The following XPR1 variants were observed in gnomAD, a reference collection of about 807,000 sequenced individuals.
XPR1 encodes the protein xenotropic and polytropic retrovirus receptor 1.
Under a neutral mutation model 87.5 loss-of-function variants are expected in XPR1, and 28 were observed. The ratio of observed to expected loss-of-function variants is 0.32; its 90% CI spans 0.24 to 0.44. The LOEUF is 0.44. Ranked by LOEUF, XPR1 falls within the 20% of genes least tolerant of loss-of-function variation. The probability of loss-of-function intolerance (pLI) is 1.00; values close to 1 mark genes in which losing one functional copy is unlikely to be tolerated. For synonymous variants in XPR1, 300 were observed against 306.1 expected (o/e 0.98, Z 0.21); for missense variants, 559 against 862.3 (o/e 0.65, Z 4.41).
intron 11 of XPR1, among the ~76,000 whole-genome samples, chr1:180,854,412 A>G (rs1182734566): frequency 7.2e-5 from 11 of 152,226 alleles, no homozygotes. Context: ...GTAAACATAT[A>G]TGTTACATAT....
Position 180,632,023 on chromosome 1 carries a change from T to G in XPR1, c.-179T>G. ...CAGAGGGCGGGGAGGGGCGGGGCTA[T>G]GGAGAGGAGGAGGAAGATGGCGGGC... is the stretch of plus-strand genomic sequence containing the variant. On this transcript the variant is annotated 5_prime_UTR_variant, in exon 1 of 15. It removes an upstream start codon present in the reference 5' UTR. Coordinates refer to ENST00000367590, the MANE Select transcript of XPR1 (RefSeq NM_004736.4). 1.4e-6 allele frequency: 1 copy of G among 693,134 alleles called. No homozygotes were observed. Among genetic ancestry groups the G allele is most frequent in the Non-Finnish European group, 2.6e-6 (1 of 389,696 alleles). 42.9% of individuals were successfully genotyped at this position (693,134 alleles called of 1,614,324 possible).
At chr1:180,824,656 A>G (rs1650763123) in intron 7 of XPR1, 97 bp from the exon 8 acceptor site, 3 of 1,055,888 alleles carry the variant, frequency 2.8e-6, no homozygotes, top group Admixed American at 2.4e-5. Context: ...AAAAATTTCT[A>G]TGCCAGGGCT....
intron 2 of XPR1, among the ~76,000 whole-genome samples, chr1:180,726,935 C>T (rs1314370745): frequency 6.7e-6 from 1 of 149,978 alleles, no homozygotes; most frequent in East Asian, 2.0e-4. Context: ...AGTGCAGTGG[C>T]GCGTTGTCGG....
chr1:180,806,154 A>T lies in XPR1; in HGVS notation c.540A>T (p.Val180=). 1 of 1,613,760 alleles carries T rather than the reference A, an allele frequency of 6.2e-7. No individual in the cohort carries two copies. The highest frequency in any genetic ancestry group is 8.5e-7 in the Non-Finnish European group (1 of 1,179,742). Residue 180 remains valine, a synonymous_variant, in exon 5 of 15, where the codon GTA becomes GTT. Coordinates refer to ENST00000367590, the MANE Select transcript of XPR1 (RefSeq NM_004736.4). ...SRGADWRVAH[V]EVAPFYTCKK... ...GAGCAGATTGGCGAGTGGCTCACGT[A>T]GAGGTGGCCCCATTTTATACATGCA... is the stretch of plus-strand genomic sequence containing the variant.
chr1:180,701,586 A>C (rs574371629), intron 2 of XPR1, among the ~76,000 whole-genome samples: 3,708 of 139,128 alleles, frequency 0.027, 746 homozygotes, highest in African/African-American at 0.11. Flanking sequence ...CATGGTGGAT[A>C]AGCTTTTTGA....
chr1:180,704,256 A>ATATATATATATATG (rs1657468149), intron 2 of XPR1, among the ~76,000 whole-genome samples: 1 of 133,576 alleles, frequency 7.5e-6, no homozygotes, highest in Non-Finnish European at 1.6e-5. Flanking sequence ...ATATATATAT[A>ATATATATATATATG]TATATATATA....
chr1:180,785,343 G>A (rs1457597805), intron 2 of XPR1, among the ~76,000 whole-genome samples: 1 of 151,832 alleles, frequency 6.6e-6, no homozygotes, highest in African/African-American at 2.4e-5. Context: ...AGCAGAGACA[G>A]GACAGGGTTT....
intron 1 of XPR1, among the ~76,000 whole-genome samples, chr1:180,639,369 T>G (rs1159828389): frequency 6.6e-6 from 1 of 152,134 alleles, no homozygotes; most frequent in Non-Finnish European, 1.5e-5. Context: ...AAACATAACT[T>G]AAAATTTTCA....
At chr1:180,830,915 A>G (rs1037122329) in intron 9 of XPR1, among the ~76,000 whole-genome samples, 62 of 152,362 alleles carry the variant, frequency 4.1e-4, no homozygotes, top group African/African-American at 1.4e-3. Flanking sequence ...AAATGGGGAT[A>G]TGAATAGTTC....
intron 2 of XPR1, among the ~76,000 whole-genome samples, chr1:180,695,175 T>C (rs1247586916): frequency 6.6e-6 from 1 of 152,216 alleles, no homozygotes; most frequent in African/African-American, 2.4e-5. Flanking sequence ...CATATACCTA[T>C]TGGCCATTTG....
At chr1:180,834,832 CT>C (rs757112360) in intron 9 of XPR1, 41 bp from the exon 10 acceptor site, 1 of 1,574,414 alleles carries the variant, frequency 6.4e-7, no homozygotes, top group East Asian at 2.2e-5. Context: ...TTTAATACGA[CT>C]TTTCTTGTTT....
chr1:180,722,933 A>T (rs1255794196), intron 2 of XPR1, among the ~76,000 whole-genome samples: 1 of 152,234 alleles, frequency 6.6e-6, no homozygotes, highest in African/African-American at 2.4e-5. Flanking sequence ...CAAAATAATT[A>T]TGTGGGTGAG....
rs142570942 is a variant in XPR1 at position 180,645,461 on chromosome 1, C to T, written c.69+13191C>T. On this transcript the variant is annotated intron_variant, in intron 1 of 14. Transcript: ENST00000367590. The stretch of plus-strand genomic sequence containing the variant: ...ATCTGCCGACTTGATCACAGTTGTC[C>T]ATCTCTCCCGAAGTGACAGATTGAG... 3.9e-5 allele frequency among the ~76,000 whole-genome samples: 6 copies of T among 152,288 alleles called. No homozygotes were observed. The East Asian group carries it at 1.2e-3, about 29-fold the overall frequency.
At chr1:180,796,384 C>A (rs1294907349) in intron 3 of XPR1, among the ~76,000 whole-genome samples, 1 of 152,060 alleles carries the variant, frequency 6.6e-6, no homozygotes, top group Non-Finnish European at 1.5e-5. Flanking sequence ...ATGATTTTTT[C>A]AAACTACATA....
chr1:180,883,172 C>T (rs2102230011), intron 14 of XPR1, among the ~76,000 whole-genome samples: 1 of 133,356 alleles, frequency 7.5e-6, no homozygotes, highest in African/African-American at 2.8e-5. Context: ...CACTGTGATG[C>T]TCAGACTGGT....
chr1:180,780,476 ATTCTTTGTCCAT>A (rs1648890579), intron 2 of XPR1, among the ~76,000 whole-genome samples: 1 of 152,184 alleles, frequency 6.6e-6, no homozygotes, highest in Non-Finnish European at 1.5e-5. Flanking sequence ...GTCTATTCAG[ATTCTTTGTCCAT>A]TTTTAAAAAT....
At position 180,787,761 on chromosome 1, in the gene XPR1, G is replaced by C. The variant is rs1295269698; in HGVS notation, c.130G>C (p.Glu44Gln). ...GTTTTCCTGTCTTTCAGTTACAGATGAGGACACAGTAAAGAGGTATTTTGC... is the reference window on the plus strand; with the variant it reads ...GTTTTCCTGTCTTTCAGTTACAGATCAGGACACAGTAAAGAGGTATTTTGC... ...DQAPSVEVTDEDTVKRYFAKF... is the reference protein window; with the variant it reads ...DQAPSVEVTDQDTVKRYFAKF... Residue 44 changes from glutamate (E) to glutamine (Q), a missense_variant, in exon 3 of 15, where the codon GAG becomes CAG. Physicochemically the swap from Glu to Gln is conservative, Grantham distance 29. Around this residue, in one of 7 missense-constraint regions of XPR1, gnomAD observed 159 missense variants for 263.3 expected, o/e 0.60. Transcript: ENST00000367590. 6.2e-7 allele frequency: 1 copy of C among 1,605,354 alleles called. No individual in the cohort carries two copies. The highest frequency in any genetic ancestry group is 2.2e-5 in the East Asian group (1 of 44,750).
At chr1:180,804,835 A>T (rs1430679807) in intron 4 of XPR1, among the ~76,000 whole-genome samples, 1 of 152,146 alleles carries the variant, frequency 6.6e-6, no homozygotes, top group Non-Finnish European at 1.5e-5. Flanking sequence ...AGATTTGTTC[A>T]TCGCTTTATA....
chr1:180,748,463 G>A (rs1004259588), intron 2 of XPR1, among the ~76,000 whole-genome samples: 113 of 109,586 alleles, frequency 1.0e-3, no homozygotes, highest in Non-Finnish European at 1.4e-4. Flanking sequence ...TTGTTGACCA[G>A]GCTGGAGTGC....
Sources: allele counts gnomAD v4.1 joint callset (sites outside exome capture counted in the v4.1 genomes callset), GRCh38; gene constraint gnomAD v4.1.1; regional missense constraint gnomAD v4.1.1; transcripts MANE v1.5; gene names NCBI Gene and HGNC (gene_info 2026-07-23, HGNC 2026-07-21).